Variants in MYRFL observed in about 807,000 individuals in gnomAD.
The protein encoded by MYRFL is myelin regulatory factor-like protein.
A neutral mutation model predicts 109.4 loss-of-function variants in MYRFL; 88 were observed. The observed-to-expected ratio is 0.80, with a 90% CI of 0.68 to 0.96. MYRFL has a LOEUF of 0.96. Among genes scored for constraint, MYRFL ranks in the 40% least tolerant of loss-of-function variants. MYRFL has a pLI of 0.00. For synonymous variants in MYRFL, 324 were observed against 320.9 expected, an observed-to-expected ratio of 1.01 and a Z score of -0.10; for missense variants, 957 against 954.9, an observed-to-expected ratio of 1.00 and a Z score of -0.03.
intron 1 of MYRFL, among the ~76,000 whole-genome samples, chr12:69,843,834 G>C (rs1381829527): frequency 6.6e-6 from 1 of 152,170 alleles, no homozygotes; most frequent in African/African-American, 2.4e-5. Context: ...CAGCTTCTCT[G>C]ACACACCCAG....
Position 69,903,713 on chromosome 12 carries a change from A to G in MYRFL, c.1252A>G (p.Ile418Val), listed in dbSNP as rs1412531089. Residue 418 changes from isoleucine to valine, a missense_variant, in exon 11 of 25, where the codon ATT becomes GTT. Physicochemically the swap from Ile to Val is conservative, Grantham distance 29 (BLOSUM62 3). Coordinates refer to ENST00000552032, the MANE Select transcript of MYRFL (RefSeq NM_182530.3). ...LWQRGQVPES[I>V]VCHGRVGINT... is the part of the protein sequence containing the mutation. ...GCAGCGAGGACAAGTTCCAGAATCT[A>G]TTGTCTGTCACGGTCGAGTAGGAAT... is the stretch of plus-strand genomic sequence containing the variant. 6 of 1,535,836 alleles carry G rather than the reference A, an allele frequency of 3.9e-6. No homozygotes were observed. The highest frequency in any genetic ancestry group is 1.2e-5 in the South Asian group (1 of 84,052).
In MYRFL at chr12:69,936,570, T is replaced by G; in HGVS notation, c.2162T>G (p.Val721Gly). ...YCCPIRGMKE[V>G]SSSPVQRQSE... ...TGCCCCATCCGGGGAATGAAAGAAG[T>G]CTCTTCAAGTCCTGTGCAAAGACAA... is the stretch of plus-strand genomic sequence containing the variant. The change falls in exon 19 of 25, where the codon GTC (valine) becomes GGC (glycine). Residue 721 changes from valine to glycine, a missense_variant. Coordinates refer to ENST00000552032, the MANE Select transcript of MYRFL (RefSeq NM_182530.3). 6.5e-7 allele frequency: 1 copy of G among 1,536,176 alleles called. No individual in the cohort carries two copies. The highest frequency in any genetic ancestry group is 8.7e-7 in the Non-Finnish European group (1 of 1,146,924).
chr12:69,904,106 T>C (rs1213799445), intron 11 of MYRFL: 2 of 376,400 alleles, frequency 5.3e-6, no homozygotes, highest in African/African-American at 4.1e-5. Context: ...AGGCAGCAAG[T>C]CTCAGTTATT....
At position 69,910,941 on chromosome 12, in the gene MYRFL, A is replaced by G; in HGVS notation, c.1602+11A>G. 6.6e-7 allele frequency: 1 copy of G among 1,513,966 alleles called. No individual in the cohort carries two copies. Among genetic ancestry groups the G allele is most frequent in the Non-Finnish European group, 8.9e-7 (1 of 1,127,406 alleles). The allele number at this position is 1,513,966 out of a possible 1,614,324, so 93.8% of individuals were successfully genotyped here. On this transcript the variant is annotated intron_variant, in intron 13 of 24. Transcript: ENST00000552032. Reference sequence around the variant, plus strand: ...CTCATGGTGGATAAGGTAATCACTGAAAAGATATCAGCTGCTATAAGCTAT... The same window carrying G: ...CTCATGGTGGATAAGGTAATCACTGGAAAGATATCAGCTGCTATAAGCTAT...
chr12:69,899,916 A>T (rs192236421), intron 10 of MYRFL, among the ~76,000 whole-genome samples: 16 of 152,298 alleles, frequency 1.1e-4, no homozygotes, highest in Admixed American at 1.0e-3. Context: ...TGTTTCTGGG[A>T]GCATTTCCCA....
intron 10 of MYRFL, among the ~76,000 whole-genome samples, chr12:69,898,510 A>C (rs1954078278): frequency 6.6e-6 from 1 of 152,180 alleles, no homozygotes; most frequent in Non-Finnish European, 1.5e-5. Flanking sequence ...GTGCCTGTCC[A>C]TCCCTCTGCA....
intron 2 of MYRFL, among the ~76,000 whole-genome samples, chr12:69,862,413 CT>C: frequency 6.6e-6 from 1 of 152,286 alleles, no homozygotes; most frequent in Non-Finnish European, 1.5e-5. Context: ...TTTGTAACCT[CT>C]TTTATTTCAT....
At chr12:69,860,847 A>T (rs7136738) in intron 2 of MYRFL, among the ~76,000 whole-genome samples, 1 of 140,794 alleles carries the variant, frequency 7.1e-6, no homozygotes. Context: ...CCATTAACTC[A>T]TCATTTAGCA....
chr12:69,943,047 G>A (rs2120513799), intron 19 of MYRFL, among the ~76,000 whole-genome samples: 1 of 150,974 alleles, frequency 6.6e-6, no homozygotes, highest in South Asian at 2.1e-4. Flanking sequence ...ACAAACAAAT[G>A]GAAGAACATT....
chr12:69,854,801 C>T (rs1011532299), intron 1 of MYRFL, among the ~76,000 whole-genome samples: 3 of 152,128 alleles, frequency 2.0e-5, no homozygotes, highest in African/African-American at 7.2e-5. Context: ...TCACCCGAAA[C>T]CCCTATTTAA....
At chr12:69,890,748 G>C (rs1886749231) in intron 6 of MYRFL, among the ~76,000 whole-genome samples, 1 of 152,074 alleles carries the variant, frequency 6.6e-6, no homozygotes, top group Non-Finnish European at 1.5e-5. Context: ...AAGAAAGATT[G>C]TACTTCTTTG....
At chr12:69,913,543 T>G (rs1954641439) in intron 13 of MYRFL, among the ~76,000 whole-genome samples, 1 of 152,246 alleles carries the variant, frequency 6.6e-6, no homozygotes, top group African/African-American at 2.4e-5. Flanking sequence ...CACAATTTGT[T>G]GAAAAGACTG....
chr12:69,895,306 A>C, intron 8 of MYRFL, 65 bp from the exon 9 acceptor site: 1 of 1,180,086 alleles, frequency 8.5e-7, no homozygotes, highest in South Asian at 1.4e-5. Flanking sequence ...AGTGGATTAG[A>C]TATGATCAGA....
intron 11 of MYRFL, among the ~76,000 whole-genome samples, chr12:69,909,374 T>C (rs10784807): frequency 0.35 from 53,120 of 151,648 alleles, 9,955 homozygotes; most frequent in African/African-American, 0.48. Context: ...AAAACAACAA[T>C]AACAAAATAT....
chr12:69,927,909 T>A (rs1955147444), intron 15 of MYRFL, among the ~76,000 whole-genome samples, 161 bp downstream of exon 15: 1 of 152,214 alleles, frequency 6.6e-6, no homozygotes, highest in Non-Finnish European at 1.5e-5. Context: ...CTAGTACATA[T>A]TAAATGGCTT....
chr12:69,925,679 G>A (rs888988478), intron 13 of MYRFL, among the ~76,000 whole-genome samples: 1 of 152,176 alleles, frequency 6.6e-6, no homozygotes, highest in African/African-American at 2.4e-5. Flanking sequence ...GAAGTGTGTG[G>A]GTGGGGAAGA....
At chr12:69,904,126 C>A (rs1235463294) in intron 11 of MYRFL, 6 of 330,038 alleles carry the variant, frequency 1.8e-5, no homozygotes, top group East Asian at 1.0e-4. Flanking sequence ...TTTCCACAGG[C>A]CATTGCCCTT....
intron 7 of MYRFL, among the ~76,000 whole-genome samples, chr12:69,893,499 C>T (rs567117624): frequency 2.6e-5 from 4 of 152,186 alleles, no homozygotes; most frequent in Non-Finnish European, 4.4e-5. Context: ...ATCTTCCAGC[C>T]CTCTCTGTAT....
rs544924718 is a variant in MYRFL, at chr12:69,837,381, C to T, written c.46+11818C>T. Among the ~76,000 whole-genome samples, 8 of 152,200 alleles carry T rather than the reference C, an allele frequency of 5.3e-5. No individual in the cohort carries two copies. In the South Asian group the frequency reaches 1.7e-3, roughly 32 times the overall value. On this transcript the variant is annotated intron_variant, in intron 1 of 24. Transcript: ENST00000552032. ...GACAGAGTCAAAGTTTCCATCTTTT[C>T]GGACTTTGCCTAACCCCCTGCTTGG...
Sources: gnomAD v4.1 joint callset for allele counts (sites outside exome capture counted in the v4.1 genomes callset) on GRCh38, gnomAD v4.1.1 for gene constraint, MANE v1.5 for transcripts, NCBI Gene and HGNC (gene_info 2026-07-23, HGNC 2026-07-21) for gene names.